BBS9: variants seen among roughly 807,000 people sequenced by gnomAD.
BBS9 encodes Bardet-Biedl syndrome 9.
Under a neutral mutation model 117.7 loss-of-function variants are expected in BBS9, and 89 were observed. The observed-to-expected ratio is 0.76, with a 90% CI of 0.64 to 0.90. The LOEUF (loss-of-function observed/expected upper bound fraction) is 0.90, where lower values mean the gene tolerates loss of function less well. Among genes scored for constraint, BBS9 ranks in the 40% least tolerant of loss-of-function variants. The pLI is 0.00. For synonymous variants in BBS9, 379 were observed against 370.9 expected (o/e 1.02, Z -0.25); for missense variants, 982 against 1,042.2 (o/e 0.94, Z 0.80).
intron 5 of BBS9, among the ~76,000 whole-genome samples, chr7:33,194,933 T>G (rs1334270599): frequency 6.6e-6 from 1 of 152,172 alleles, no homozygotes; most frequent in Non-Finnish European, 1.5e-5. Flanking sequence ...TAATCACCAT[T>G]TTTTCATACT....
chr7:33,420,850 C>G (rs1162824705), intron 19 of BBS9, among the ~76,000 whole-genome samples: 1 of 152,172 alleles, frequency 6.6e-6, no homozygotes, highest in Non-Finnish European at 1.5e-5. Flanking sequence ...TTGCCAGGCT[C>G]TGTGTTTGCA....
At chr7:33,178,970 G>A (rs915767905) in intron 5 of BBS9, among the ~76,000 whole-genome samples, 1 of 152,150 alleles carries the variant, frequency 6.6e-6, no homozygotes, top group African/African-American at 2.4e-5. Flanking sequence ...TTACTTGAAC[G>A]ATAAGGAGAT....
intron 5 of BBS9, among the ~76,000 whole-genome samples, chr7:33,181,352 A>G (rs1798076255): frequency 6.6e-6 from 1 of 152,166 alleles, no homozygotes; most frequent in African/African-American, 2.4e-5. Context: ...GTACCTGGAA[A>G]TCCCAAAGTG....
chr7:33,488,746 A>G (rs886873141), intron 19 of BBS9, among the ~76,000 whole-genome samples: 1 of 152,196 alleles, frequency 6.6e-6, no homozygotes, highest in Non-Finnish European at 1.5e-5. Context: ...ATAGTGTGAT[A>G]TAGTAAATTT....
chr7:33,166,916 G>C (rs893055586), intron 4 of BBS9, among the ~76,000 whole-genome samples: 2 of 152,166 alleles, frequency 1.3e-5, no homozygotes, highest in Admixed American at 1.3e-4. Context: ...CCAATGAGAT[G>C]AACCAGGTAG....
chr7:33,392,991 C>A (rs1394297275), intron 19 of BBS9, among the ~76,000 whole-genome samples: 1 of 152,030 alleles, frequency 6.6e-6, no homozygotes, highest in African/African-American at 2.4e-5. Context: ...CATAAAGAGA[C>A]CCTGTCTCTA....
At chr7:33,510,018 C>T (rs1468611562) in intron 20 of BBS9, among the ~76,000 whole-genome samples, 1 of 152,008 alleles carries the variant, frequency 6.6e-6, no homozygotes. Context: ...GTTATATGGG[C>T]CAGATGTGTT....
chr7:33,491,242 G>A (rs1843854973), intron 19 of BBS9, among the ~76,000 whole-genome samples: 1 of 152,170 alleles, frequency 6.6e-6, no homozygotes, highest in Non-Finnish European at 1.5e-5. Flanking sequence ...TGAATTCTAA[G>A]ACATTAATTT....
chr7:33,426,734 T>A (rs909559270), intron 19 of BBS9, among the ~76,000 whole-genome samples: 30 of 152,206 alleles, frequency 2.0e-4, no homozygotes, highest in Admixed American at 1.5e-3. Flanking sequence ...ACAGAACACC[T>A]TGAGAGGAGC....
At chr7:33,314,061 T>C (rs1014385146) in intron 9 of BBS9, among the ~76,000 whole-genome samples, 6 of 152,156 alleles carry the variant, frequency 3.9e-5, no homozygotes, top group South Asian at 2.1e-4. Flanking sequence ...GACATGATTA[T>C]TTTTAAAAAT....
chr7:33,278,630 A>G (rs917187447), intron 9 of BBS9, among the ~76,000 whole-genome samples: 2 of 152,142 alleles, frequency 1.3e-5, no homozygotes, highest in African/African-American at 4.8e-5. Context: ...AGATTTTTTA[A>G]TAAGAGGCAT....
chr7:33,264,406 A>C (rs1222624933), intron 7 of BBS9, 32 bp downstream of exon 7: 1 of 1,273,272 alleles, frequency 7.9e-7, no homozygotes, highest in Admixed American at 1.8e-5. Flanking sequence ...TAAAAATTTC[A>C]ATAATGCTAT....
At chr7:33,415,090 C>T (rs972326130) in intron 19 of BBS9, among the ~76,000 whole-genome samples, 5 of 152,100 alleles carry the variant, frequency 3.3e-5, no homozygotes, top group African/African-American at 1.2e-4. Flanking sequence ...CCTTAAGTCC[C>T]ATTTTGGAAA....
At chr7:33,547,003 T>C (rs548248024) in intron 21 of BBS9, among the ~76,000 whole-genome samples, 2 of 152,342 alleles carry the variant, frequency 1.3e-5, no homozygotes, top group South Asian at 4.1e-4. Flanking sequence ...ATATAGTTCA[T>C]GCCCACCATG....
chr7:33,263,213 A>G (rs1468172899), intron 6 of BBS9, among the ~76,000 whole-genome samples: 2 of 152,190 alleles, frequency 1.3e-5, no homozygotes, highest in Non-Finnish European at 2.9e-5. Flanking sequence ...CAGGTTTTTT[A>G]TAAGTGAATT....
chr7:33,252,247 T>G (rs1796330002), intron 5 of BBS9, among the ~76,000 whole-genome samples: 1 of 152,116 alleles, frequency 6.6e-6, no homozygotes, highest in African/African-American at 2.4e-5. Flanking sequence ...GTGATCCAAT[T>G]ACCTCCCTCC....
At chr7:33,459,877 A>T (rs1363735792) in intron 19 of BBS9, among the ~76,000 whole-genome samples, 1 of 152,152 alleles carries the variant, frequency 6.6e-6, no homozygotes, top group African/African-American at 2.4e-5. Flanking sequence ...TACTTTAAAA[A>T]TTCTTTTCTT....
Position 33,388,050 on chromosome 7 carries a change from G to A in BBS9, c.2021G>A (p.Arg674Gln), listed in dbSNP as rs555671554. The A allele has an allele frequency of 1.1e-5, 18 of 1,613,918 alleles. No homozygotes were observed. Among genetic ancestry groups the A allele is most frequent in the Admixed American group, 3.3e-5 (2 of 59,996 alleles). The change falls in exon 19 of 23, where the codon CGG becomes CAG. Residue 674 changes from arginine to glutamine, a missense_variant. Physicochemically the swap from Arg to Gln is conservative, Grantham distance 43. Transcript: ENST00000242067. ...TTATCTGAGAGAGCTGTACAATTTC[G>A]GGCCATTCAACGCCGGCTACTAGCA... ...ELLSERAVQF[R>Q]AIQRRLLARF... is the part of the protein sequence containing the mutation.
chr7:33,190,683 G>A (rs1214266270), intron 5 of BBS9, among the ~76,000 whole-genome samples: 1 of 152,154 alleles, frequency 6.6e-6, no homozygotes, highest in East Asian at 1.9e-4. Context: ...TCTAGTCCAT[G>A]TAAAAGAGGT....
Sources: allele counts gnomAD v4.1 joint callset (sites outside exome capture counted in the v4.1 genomes callset), GRCh38; gene constraint gnomAD v4.1.1; transcripts MANE v1.5; gene names NCBI Gene and HGNC (gene_info 2026-07-23, HGNC 2026-07-21).